The following SLCO5A1 variants were observed in gnomAD, a reference collection of about 807,000 sequenced individuals.
SLCO5A1 encodes the protein organic anion transporter polypeptide-related protein 4.
Under a neutral mutation model 65.1 loss-of-function variants are expected in SLCO5A1, and 39 were observed. That is an observed-to-expected ratio of 0.60 (90% CI 0.46 to 0.78). SLCO5A1 has a LOEUF of 0.78. Ranked by LOEUF, SLCO5A1 falls within the 30% of genes least tolerant of loss-of-function variation. The pLI is 0.00. For missense variants in SLCO5A1, 1,029 were observed against 1,069.4 expected, an observed-to-expected ratio of 0.96 and a Z score of 0.53; for synonymous variants, 438 against 415.7, an observed-to-expected ratio of 1.05 and a Z score of -0.65.
intron 2 of SLCO5A1, among the ~76,000 whole-genome samples, chr8:69,788,294 A>T (rs1819123122): frequency 2.6e-5 from 4 of 152,232 alleles, no homozygotes; most frequent in Admixed American, 2.6e-4. Context: ...TTGATTTAAA[A>T]AAAACAAAAG....
At chr8:69,708,509 C>T (rs1815073864) in intron 5 of SLCO5A1, among the ~76,000 whole-genome samples, 1 of 150,822 alleles carries the variant, frequency 6.6e-6, no homozygotes, top group Non-Finnish European at 1.5e-5. Flanking sequence ...TGCAGTGAGC[C>T]AAGATGTGCC....
intron 2 of SLCO5A1, among the ~76,000 whole-genome samples, chr8:69,800,899 T>C (rs997863832): frequency 2.6e-5 from 4 of 152,172 alleles, no homozygotes; most frequent in African/African-American, 9.7e-5. Flanking sequence ...TTGGCCACAA[T>C]TGGTCACATG....
rs1397096177 is a variant in SLCO5A1, at chr8:69,832,249, G to T, written c.425C>A (p.Ala142Glu). The T allele has an allele frequency of 1.2e-6, 2 of 1,614,158 alleles. No individual in the cohort carries two copies. The highest frequency in any genetic ancestry group is 8.5e-7 in the Non-Finnish European group (1 of 1,180,026). The change falls in exon 2 of 10, where the codon GCG becomes GAG. Residue 142 changes from alanine (A) to glutamate (E), a missense_variant. Around this residue, in one of 3 missense-constraint regions of SLCO5A1, gnomAD observed 647 missense variants for 647.5 expected, o/e 1.00. Coordinates refer to ENST00000260126, the MANE Select transcript of SLCO5A1 (RefSeq NM_030958.3). The surrounding 1 kb of genome is among the most constrained non-coding windows in gnomAD (Gnocchi z 4.5). ...GCTCAGGTACCCAGAGACCATTAAC[G>T]CCTGGATGAAGGTCAGAAAGCACAT... is the stretch of plus-strand genomic sequence containing the variant. The part of the protein sequence containing the change: ...VCMCFLTFIQ[A>E]LMVSGYLSSV...
rs187335216 is a variant in SLCO5A1, at chr8:69,742,546, T to C, written c.1259-4342A>G. Among the ~76,000 whole-genome samples, 20 of 152,292 alleles carry C rather than the reference T, an allele frequency of 1.3e-4. No homozygotes were observed. The South Asian group carries it at 1.9e-3, about 14-fold the overall frequency. On this transcript the variant is annotated intron_variant, in intron 4 of 9. Coordinates refer to ENST00000260126, the MANE Select transcript of SLCO5A1 (RefSeq NM_030958.3). ...AGCACCAAAATTCAAGAGGTTATAATTTAAGGTGGTCTATACTCTGAAATC... is the reference window on the plus strand; with the variant it reads ...AGCACCAAAATTCAAGAGGTTATAACTTAAGGTGGTCTATACTCTGAAATC...
In SLCO5A1 at chr8:69,832,823, C is replaced by T; in HGVS notation, c.-150G>A. 6 of 880,132 alleles carry T rather than the reference C, an allele frequency of 6.8e-6. No individual in the cohort carries two copies. The highest frequency in any genetic ancestry group is 8.4e-6 in the Non-Finnish European group (5 of 592,718). 54.5% of individuals were successfully genotyped at this position (880,132 alleles called of 1,614,324 possible). ...GCAGGGCCGCGCAGCAGGGCATCCT[C>T]ACCAGCTGCGAGGCGCCCAGTGCAT... On this transcript the variant is annotated 5_prime_UTR_variant, in exon 2 of 10. The change abolishes the stop of an existing upstream ORF in the 5' untranslated region. Coordinates refer to ENST00000260126, the MANE Select transcript of SLCO5A1 (RefSeq NM_030958.3). This position sits in a 1 kb window ranked among gnomAD's most constrained non-coding sequence, Gnocchi z 4.5.
intron 2 of SLCO5A1, among the ~76,000 whole-genome samples, chr8:69,768,260 T>C (rs1818164925): frequency 1.3e-5 from 2 of 152,184 alleles, no homozygotes; most frequent in South Asian, 4.1e-4. Context: ...TCAATATGAA[T>C]TTTTTATAGA....
At chr8:69,795,523 A>C (rs1451135782) in intron 2 of SLCO5A1, among the ~76,000 whole-genome samples, 1 of 152,232 alleles carries the variant, frequency 6.6e-6, no homozygotes, top group African/African-American at 2.4e-5. Flanking sequence ...ACTCTGATGC[A>C]AGGGGTGGGC....
rs75578176 is a variant in SLCO5A1, at chr8:69,724,070, G to T, written c.1423+13970C>A. ...TTACAGGTGTGAACCACCATGCCGG[G>T]CCTAGTATGCTTTTTAGTAACAGCA... On this transcript the variant is annotated intron_variant, in intron 5 of 9. Transcript: ENST00000260126. Among the ~76,000 whole-genome samples, 429 of 152,266 alleles carry T rather than the reference G, an allele frequency of 2.8e-3. 3 individuals carry two copies. Among genetic ancestry groups the T allele is most frequent in the Middle Eastern group, 0.027 (8 of 294 alleles).
At chr8:69,787,934 A>G (rs1244625245) in intron 2 of SLCO5A1, among the ~76,000 whole-genome samples, 5 of 152,182 alleles carry the variant, frequency 3.3e-5, no homozygotes, top group Non-Finnish European at 7.4e-5. Context: ...TGTACATGAT[A>G]TATAAATGTT....
chr8:69,744,324 C>G (rs1340967603), intron 4 of SLCO5A1, among the ~76,000 whole-genome samples: 4 of 152,144 alleles, frequency 2.6e-5, no homozygotes, highest in African/African-American at 9.7e-5. Context: ...CTCTGTAGTC[C>G]TACGGTTGCC....
At chr8:69,694,469 C>G (rs531107360) in intron 6 of SLCO5A1, among the ~76,000 whole-genome samples, 1 of 152,188 alleles carries the variant, frequency 6.6e-6, no homozygotes, top group Non-Finnish European at 1.5e-5. Flanking sequence ...AAAAAAGCCA[C>G]ATGCAAGTCT....
chr8:69,683,651 C>T (rs1813880717), intron 6 of SLCO5A1, among the ~76,000 whole-genome samples: 1 of 151,970 alleles, frequency 6.6e-6, no homozygotes, highest in Admixed American at 6.6e-5. Flanking sequence ...CACCCTCCAC[C>T]TCCCAGGTTC....
intron 2 of SLCO5A1, among the ~76,000 whole-genome samples, chr8:69,796,042 C>A (rs1379185704): frequency 1.3e-5 from 2 of 152,182 alleles, no homozygotes; most frequent in Admixed American, 6.5e-5. Context: ...CAAGATTGCA[C>A]AGGGCAGGGG....
At chr8:69,771,184 G>A (rs564390053) in intron 2 of SLCO5A1, among the ~76,000 whole-genome samples, 4 of 152,022 alleles carry the variant, frequency 2.6e-5, no homozygotes, top group East Asian at 3.9e-4. Context: ...GGGTTCCACC[G>A]TGTTGGCCAG....
At position 69,755,492 on chromosome 8, in the gene SLCO5A1, T is replaced by A. The variant is rs1363543597; in HGVS notation, c.1190A>T (p.Glu397Val). The change falls in exon 4 of 10, where the codon GAG becomes GTG. Residue 397 changes from glutamate to valine, a missense_variant. Glu to Val is a moderately radical substitution (Grantham distance 121). Around this residue, in one of 3 missense-constraint regions of SLCO5A1, gnomAD observed 647 missense variants for 647.5 expected, o/e 1.00. Coordinates refer to ENST00000260126, the MANE Select transcript of SLCO5A1 (RefSeq NM_030958.3). Reference protein sequence around the residue: ...DAVSDDDVLKEKSNNSEQADK... With the variant: ...DAVSDDDVLKVKSNNSEQADK... ...CGCTTGTTCACTGTTGTTTGATTTC[T>A]CCTTCAGAACATCGTCATCACTAAC... 1 of 1,614,134 alleles carries A rather than the reference T, an allele frequency of 6.2e-7. No homozygotes were observed. Among genetic ancestry groups the A allele is most frequent in the Non-Finnish European group, 8.5e-7 (1 of 1,179,994 alleles).
chr8:69,728,611 G>T (rs1436402258), intron 5 of SLCO5A1, among the ~76,000 whole-genome samples: 1 of 152,108 alleles, frequency 6.6e-6, no homozygotes, highest in East Asian at 1.9e-4. Flanking sequence ...GCTGTATTTA[G>T]TATTTTACGA....
intron 5 of SLCO5A1, among the ~76,000 whole-genome samples, chr8:69,735,512 A>C (rs1446745501): frequency 6.6e-6 from 1 of 152,192 alleles, no homozygotes; most frequent in Non-Finnish European, 1.5e-5. Context: ...AAATCATGTC[A>C]TATGCAGGGG....
intron 2 of SLCO5A1, among the ~76,000 whole-genome samples, chr8:69,820,292 A>T (rs545411661): frequency 6.6e-6 from 1 of 152,324 alleles, no homozygotes; most frequent in African/African-American, 2.4e-5. Flanking sequence ...CAGGAGGAAG[A>T]GCCCAGGGAC....
At chr8:69,777,391 A>T (rs1271302630) in intron 2 of SLCO5A1, among the ~76,000 whole-genome samples, 1 of 151,774 alleles carries the variant, frequency 6.6e-6, no homozygotes, top group Non-Finnish European at 1.5e-5. Flanking sequence ...TTACCCGGGG[A>T]CTGAGGAGGT....
Sources: gnomAD v4.1 joint callset for allele counts (sites outside exome capture counted in the v4.1 genomes callset) on GRCh38, gnomAD v4.1.1 for gene constraint, gnomAD v4.1.1 regional missense constraint, Gnocchi (gnomAD v3.1) non-coding constraint, MANE v1.5 for transcripts, NCBI Gene and HGNC (gene_info 2026-07-23, HGNC 2026-07-21) for gene names.